VPS35L: variants seen among roughly 807,000 people sequenced by gnomAD.
The protein encoded by VPS35L is VPS35 endosomal protein sorting factor like.
Under a neutral mutation model 133.0 loss-of-function variants are expected in VPS35L, and 83 were observed. That is an observed-to-expected ratio of 0.62 (90% CI 0.52 to 0.75). The LOEUF is 0.75. VPS35L is among the 30% of genes least tolerant of loss of function. VPS35L has a pLI of 0.00. For missense variants in VPS35L, 1,083 were observed against 1,206.8 expected, an observed-to-expected ratio of 0.90 and a Z score of 1.52; for synonymous variants, 423 against 449.9, an observed-to-expected ratio of 0.94 and a Z score of 0.76.
chr16:19,693,617 C>A (rs1403543686), intron 29 of VPS35L, among the ~76,000 whole-genome samples: 6 of 152,088 alleles, frequency 3.9e-5, no homozygotes, highest in Non-Finnish European at 7.4e-5. Flanking sequence ...CCCACCTCTA[C>A]AAAAAATACA....
chr16:19,627,541 T>C (rs1973306002), intron 15 of VPS35L, among the ~76,000 whole-genome samples, 153 bp from the exon 16 acceptor site: 1 of 152,200 alleles, frequency 6.6e-6, no homozygotes, highest in African/African-American at 2.4e-5. Context: ...TGTGTTAGTC[T>C]CTCCAGTTTA....
chr16:19,626,838 T>C (rs777767130), intron 15 of VPS35L, among the ~76,000 whole-genome samples: 36 of 152,152 alleles, frequency 2.4e-4, no homozygotes, highest in Non-Finnish European at 2.8e-4. Context: ...TAGGATGAAA[T>C]TGATCTCCCT....
intron 8 of VPS35L, among the ~76,000 whole-genome samples, chr16:19,593,788 A>G (rs2151530344): frequency 6.6e-6 from 1 of 152,168 alleles, no homozygotes; most frequent in South Asian, 2.1e-4. Context: ...GTTGTGGTGC[A>G]CACCTGTAGT....
rs10683142 is a variant in VPS35L at position 19,615,968 on chromosome 16, AAATAAT to A, written c.1024-121_1024-116del. Reference sequence around the variant, plus strand: ...GGCAACAGAGCGAGACTCCATCTCAAAATAATAATAATAATAATAATAATAATAATT... The same window carrying A: ...GGCAACAGAGCGAGACTCCATCTCAAAATAATAATAATAATAATAATAATT... On this transcript the variant is annotated intron_variant, in intron 12 of 30. Coordinates refer to ENST00000417362, the MANE Select transcript of VPS35L (RefSeq NM_020314.7). 4.4e-4 allele frequency: 113 copies of A among 255,226 alleles called. 1 individual carries two copies. Among genetic ancestry groups the A allele is most frequent in the South Asian group, 1.9e-3 (12 of 6,324 alleles). The allele number at this position is 255,226 out of a possible 1,614,324, so 15.8% of individuals were successfully genotyped here.
intron 19 of VPS35L, among the ~76,000 whole-genome samples, chr16:19,634,064 G>A (rs1001693639): frequency 6.6e-6 from 1 of 151,948 alleles, no homozygotes; most frequent in African/African-American, 2.4e-5. Context: ...TATCATTCAC[G>A]CATTCCACAC....
At chr16:19,588,640 T>G (rs226871) in intron 7 of VPS35L, among the ~76,000 whole-genome samples, 9,895 of 152,270 alleles carry the variant, frequency 0.065, 737 homozygotes, top group African/African-American at 0.18. Context: ...TTCTGACAGG[T>G]ATTGCATTGA....
intron 15 of VPS35L, 79 bp downstream of exon 15, chr16:19,626,302 G>C: frequency 4.8e-6 from 5 of 1,043,792 alleles, no homozygotes; most frequent in Non-Finnish European, 7.5e-6. Context: ...TGCTTACCTG[G>C]GTATGAGCTG....
intron 29 of VPS35L, among the ~76,000 whole-genome samples, chr16:19,692,275 A>C (rs997849723): frequency 6.6e-6 from 1 of 152,142 alleles, no homozygotes; most frequent in Non-Finnish European, 1.5e-5. Context: ...TCTCATGCAG[A>C]GCCCGGCCTG....
At chr16:19,643,516 TC>T (rs933928423) in intron 22 of VPS35L, among the ~76,000 whole-genome samples, 62 of 152,300 alleles carry the variant, frequency 4.1e-4, no homozygotes, top group African/African-American at 1.5e-3. Context: ...ATGTCCACGT[TC>T]CAGCCTGTGG....
intron 7 of VPS35L, among the ~76,000 whole-genome samples, chr16:19,589,083 A>C (rs226867): frequency 0.32 from 49,107 of 151,900 alleles, 10,218 homozygotes; most frequent in African/African-American, 0.59. Context: ...CTGTAAAATG[A>C]CCTTTGCTGA....
chr16:19,695,238 A>G (rs957656398), intron 29 of VPS35L, among the ~76,000 whole-genome samples: 3 of 152,236 alleles, frequency 2.0e-5, no homozygotes, highest in Non-Finnish European at 4.4e-5. Context: ...ACGTGTCTTC[A>G]TACCGAGGCA....
In VPS35L at chr16:19,586,059, G is replaced by A. The variant is rs147912905; in HGVS notation, c.639+4406G>A. ...AGTATAGACATATGCTGCCACACCC[G>A]GCTAATTTTTAAATTTTTTGTAGAA... On this transcript the variant is annotated intron_variant, in intron 7 of 30. Transcript: ENST00000417362. 5.8e-3 allele frequency among the ~76,000 whole-genome samples: 879 copies of A among 151,912 alleles called. 15 individuals are homozygous for A. The highest frequency in any genetic ancestry group is 0.02 in the African/African-American group (840 of 41,424).
At position 19,616,739 on chromosome 16, in the gene VPS35L, A is replaced by G; in HGVS notation, c.1155A>G (p.Pro385=). Residue 385 remains proline (P), a synonymous_variant, in exon 14 of 31, where the codon CCA becomes CCG. Transcript: ENST00000417362. ...NQLVVQGVEL[P]SYLPLYPPAM... is the part of the protein sequence containing the mutation. ...TGGTGGTCCAAGGAGTGGAGCTCCC[A>G]TCTTACCTCCCCTTGTACCCGCCTG... 1 of 1,614,086 alleles carries G rather than the reference A, an allele frequency of 6.2e-7. No homozygotes were observed. The highest frequency in any genetic ancestry group is 8.5e-7 in the Non-Finnish European group (1 of 1,179,992).
In VPS35L at chr16:19,640,012, T is replaced by C; in HGVS notation, c.1699-3T>C. 6.2e-7 allele frequency: 1 copy of C among 1,613,738 alleles called. No individual in the cohort carries two copies. Among genetic ancestry groups the C allele is most frequent in the Non-Finnish European group, 8.5e-7 (1 of 1,179,648 alleles). On this transcript the variant is annotated splice_region_variant and splice_polypyrimidine_tract_variant and intron_variant, in intron 20 of 30. Transcript: ENST00000417362. ...GCATATAGAGTGCTTGCTTTATTTA[T>C]AGGAAAAATTTCTGCCGTTTCTGGA...
intron 7 of VPS35L, among the ~76,000 whole-genome samples, chr16:19,584,103 A>G (rs1597328728): frequency 6.6e-6 from 1 of 152,122 alleles, no homozygotes; most frequent in East Asian, 1.9e-4. Flanking sequence ...CCATTCATCC[A>G]TTTATATACA....
intron 28 of VPS35L, 113 bp from the exon 29 acceptor site, chr16:19,691,240 C>A: frequency 1.2e-6 from 1 of 825,052 alleles, no homozygotes; most frequent in South Asian, 1.5e-5. Flanking sequence ...ATGTGCCCTG[C>A]CACGACTTCC....
chr16:19,676,796 C>T (rs1279927942), intron 27 of VPS35L, among the ~76,000 whole-genome samples: 1 of 152,164 alleles, frequency 6.6e-6, no homozygotes, highest in African/African-American at 2.4e-5. Context: ...TACCCCAACT[C>T]AGGAGGACAG....
At chr16:19,659,348 G>A (rs1309832222) in intron 26 of VPS35L, among the ~76,000 whole-genome samples, 1 of 152,134 alleles carries the variant, frequency 6.6e-6, no homozygotes, top group Non-Finnish European at 1.5e-5. Context: ...GAGAGTAGAG[G>A]GAGGGAGAGA....
intron 11 of VPS35L, among the ~76,000 whole-genome samples, chr16:19,609,819 G>T (rs1377943874): frequency 6.6e-6 from 1 of 152,172 alleles, no homozygotes; most frequent in Non-Finnish European, 1.5e-5. Flanking sequence ...CCAGTTGGAG[G>T]AGGATAATGC....
Sources: gnomAD v4.1 joint callset for allele counts (sites outside exome capture counted in the v4.1 genomes callset) on GRCh38, gnomAD v4.1.1 for gene constraint, MANE v1.5 for transcripts, NCBI Gene and HGNC (gene_info 2026-07-23, HGNC 2026-07-21) for gene names.